Variants in TRIM63 observed in about 807,000 individuals in gnomAD.
TRIM63 encodes the protein E3 ubiquitin-protein ligase TRIM63.
In TRIM63, 48 loss-of-function variants were observed where a neutral mutation model predicts 46.0. The ratio of observed to expected loss-of-function variants is 1.04; its 90% CI spans 0.83 to 1.33. TRIM63 has a LOEUF of 1.33. Among genes scored for constraint, TRIM63 ranks in the 40% most tolerant of loss-of-function variants. The pLI is 0.00. For synonymous variants in TRIM63, 175 were observed against 162.8 expected (o/e 1.08, Z -0.57); for missense variants, 455 against 441.2 (o/e 1.03, Z -0.28).
At chr1:26,060,462 G>T in intron 3 of TRIM63, 101 bp from the exon 4 acceptor site, 1 of 827,026 alleles carries the variant, frequency 1.2e-6, no homozygotes, top group Non-Finnish European at 2.0e-6. Flanking sequence ...TCCCCTCTCT[G>T]CTAGAAAGAG....
chr1:26,062,771 TTTG>T (rs2050638860), intron 2 of TRIM63, among the ~76,000 whole-genome samples: 1 of 152,144 alleles, frequency 6.6e-6, no homozygotes, highest in Non-Finnish European at 1.5e-5. Flanking sequence ...GGGGGATTTT[TTTG>T]TTGTTGTGTT....
intron 2 of TRIM63, among the ~76,000 whole-genome samples, chr1:26,062,206 G>A (rs1469372953): frequency 2.6e-5 from 4 of 151,182 alleles, no homozygotes; most frequent in African/African-American, 9.7e-5. Flanking sequence ...GGAGGCAGAG[G>A]TTGCGGTGAG....
chr1:26,059,506 C>T (rs1407642120), intron 4 of TRIM63, among the ~76,000 whole-genome samples: 1 of 152,114 alleles, frequency 6.6e-6, no homozygotes, highest in Non-Finnish European at 1.5e-5. Context: ...TCCTAGCACC[C>T]TCCTCAACCG....
chr1:26,060,560 A>G (rs2050614558), intron 3 of TRIM63, among the ~76,000 whole-genome samples, 199 bp from the exon 4 acceptor site: 1 of 152,224 alleles, frequency 6.6e-6, no homozygotes, highest in African/African-American at 2.4e-5. Flanking sequence ...CTTATTTTAC[A>G]GGTGAGGCCA....
At position 26,051,818 on chromosome 1, in the gene TRIM63, C is replaced by T; in HGVS notation, c.*55G>A. ...GCCTGTCACCAAGGCCGCTGGGCCC[C>T]TCCCCACCCTCTCCAGTCTCTCTGC... On this transcript the variant is annotated 3_prime_UTR_variant, in exon 9 of 9. Coordinates refer to ENST00000374272, the MANE Select transcript of TRIM63 (RefSeq NM_032588.4). 1 of 1,332,744 alleles carries T rather than the reference C, an allele frequency of 7.5e-7. No homozygotes were observed. Among genetic ancestry groups the T allele is most frequent in the Non-Finnish European group, 9.7e-7 (1 of 1,032,478 alleles). 82.6% of individuals were successfully genotyped at this position (1,332,744 alleles called of 1,614,324 possible).
At chr1:26,061,459 C>A (rs894255141) in intron 2 of TRIM63, 125 bp from the exon 3 acceptor site, 2 of 1,025,486 alleles carry the variant, frequency 2.0e-6, no homozygotes, top group African/African-American at 1.6e-5. Flanking sequence ...CCCAGGAATT[C>A]GAGGCTGCAG....
chr1:26,060,226 A>T (rs1053282534), intron 4 of TRIM63, 40 bp downstream of exon 4: 1 of 1,583,476 alleles, frequency 6.3e-7, no homozygotes, highest in Admixed American at 1.7e-5. Flanking sequence ...CTGCCCTGGA[A>T]AGCTCCAAAT....
At position 26,058,509 on chromosome 1, in the gene TRIM63, T is replaced by C. The variant is rs760434629; in HGVS notation, c.712A>G (p.Lys238Glu). The change falls in exon 5 of 9, where the codon AAG (lysine) becomes GAG (glutamate). Residue 238 changes from lysine to glutamate, a missense_variant. Physicochemically the swap from Lys to Glu is moderately conservative, Grantham distance 56 (BLOSUM62 1). Coordinates refer to ENST00000374272, the MANE Select transcript of TRIM63 (RefSeq NM_032588.4). Reference protein sequence around the residue: ...LQRITQEQEKKLSFIEALIQQ... With the variant: ...LQRITQEQEKELSFIEALIQQ... Reference sequence around the variant, plus strand: ...ATGAGGGCCTCGATGAAGCTAAGCTTTTTCTCCTGCTCCTGCGTGATCCGC... The same window carrying C: ...ATGAGGGCCTCGATGAAGCTAAGCTCTTTCTCCTGCTCCTGCGTGATCCGC... The C allele has an allele frequency of 8.1e-6, 13 of 1,614,146 alleles. No homozygotes were observed. Among genetic ancestry groups the C allele is most frequent in the Non-Finnish European group, 1.1e-5 (13 of 1,180,018 alleles).
intron 4 of TRIM63, among the ~76,000 whole-genome samples, chr1:26,059,657 A>G (rs2050605064): frequency 6.6e-6 from 1 of 152,056 alleles, no homozygotes; most frequent in South Asian, 2.1e-4. Flanking sequence ...AGCAATTATG[A>G]TGACCCCTTC....
intron 8 of TRIM63, among the ~76,000 whole-genome samples, chr1:26,052,690 C>T (rs951889481): frequency 6.6e-6 from 1 of 152,066 alleles, no homozygotes; most frequent in East Asian, 1.9e-4. Flanking sequence ...TGGTGTCAAA[C>T]TCCTGACCTC....
intron 5 of TRIM63, 64 bp downstream of exon 5, chr1:26,058,326 T>C (rs548309777): frequency 1.4e-6 from 2 of 1,447,270 alleles, no homozygotes; most frequent in South Asian, 1.2e-5. Context: ...TGGGGAAGCA[T>C]AACTTGAACC....
At chr1:26,056,361 C>T (rs1029838232) in intron 7 of TRIM63, among the ~76,000 whole-genome samples, 1 of 152,076 alleles carries the variant, frequency 6.6e-6, no homozygotes, top group African/African-American at 2.4e-5. Context: ...ATTAAGGTGC[C>T]TGGGTATCAT....
rs1267692136 is a variant in TRIM63, at chr1:26,051,488, T to C, written c.*385A>G. The C allele has an allele frequency of 6.2e-6, 1 of 161,848 alleles. No homozygotes were observed. Among genetic ancestry groups the C allele is most frequent in the Non-Finnish European group, 1.3e-5 (1 of 74,098 alleles). The allele number at this position is 161,848 out of a possible 1,614,324, so 10.0% of individuals were successfully genotyped here. A position where few individuals can be genotyped will look rare whatever the true frequency, so the allele number is the denominator to read the frequency against. On this transcript the variant is annotated 3_prime_UTR_variant, in exon 9 of 9. Coordinates refer to ENST00000374272, the MANE Select transcript of TRIM63 (RefSeq NM_032588.4). ...ATCAACCTGGCTTCCTTCCCCTCTT[T>C]CTGACAATCGCAGGTCACCCAACGA...
intron 4 of TRIM63, among the ~76,000 whole-genome samples, 186 bp from the exon 5 acceptor site, chr1:26,058,809 T>A (rs1045003291): frequency 2.0e-5 from 3 of 152,152 alleles, no homozygotes; most frequent in Admixed American, 1.3e-4. Flanking sequence ...CACAGCTATT[T>A]AGTACGCCAG....
intron 7 of TRIM63, 108 bp downstream of exon 7, chr1:26,057,094 TG>T: frequency 7.2e-7 from 1 of 1,391,306 alleles, no homozygotes; most frequent in Non-Finnish European, 9.8e-7. Context: ...GATTGATATT[TG>T]GGGATCTTTA....
At chr1:26,066,244 C>A in intron 2 of TRIM63, 24 bp downstream of exon 2, 1 of 1,612,460 alleles carries the variant, frequency 6.2e-7, no homozygotes, top group Non-Finnish European at 8.5e-7. Context: ...GGAGGGCGGG[C>A]CCCCAGCAGG....
chr1:26,065,406 T>C (rs1437076334), intron 2 of TRIM63, among the ~76,000 whole-genome samples: 1 of 152,176 alleles, frequency 6.6e-6, no homozygotes, highest in Non-Finnish European at 1.5e-5. Context: ...CTCTGCAGCC[T>C]TGACCTCCCT....
At chr1:26,055,978 A>G (rs1377749175) in intron 7 of TRIM63, among the ~76,000 whole-genome samples, 1 of 152,104 alleles carries the variant, frequency 6.6e-6, no homozygotes, top group Non-Finnish European at 1.5e-5. Flanking sequence ...CCAGCTACTG[A>G]AGGTTTGTAG....
chr1:26,065,990 C>A (rs2050673348), intron 2 of TRIM63, among the ~76,000 whole-genome samples: 1 of 152,166 alleles, frequency 6.6e-6, no homozygotes, highest in Non-Finnish European at 1.5e-5. Context: ...GGCCCCAGGG[C>A]CTTTCTCTCC....
Sources: allele counts gnomAD v4.1 joint callset (sites outside exome capture counted in the v4.1 genomes callset), GRCh38; gene constraint gnomAD v4.1.1; transcripts MANE v1.5; gene names NCBI Gene and HGNC (gene_info 2026-07-23, HGNC 2026-07-21).